The following ABL1 variants were observed in gnomAD, a reference collection of about 807,000 sequenced individuals.
ABL1 encodes tyrosine-protein kinase ABL1.
Under a neutral mutation model 94.7 loss-of-function variants are expected in ABL1, and 11 were observed. The observed-to-expected ratio is 0.12, with a 90% CI of 0.07 to 0.19. The LOEUF (loss-of-function observed/expected upper bound fraction) is 0.19, where lower values mean the gene tolerates loss of function less well. Among genes scored for constraint, ABL1 ranks in the 10% least tolerant of loss-of-function variants. The pLI is 1.00. For synonymous variants in ABL1, 656 were observed against 622.4 expected, an observed-to-expected ratio of 1.05 and a Z score of -0.80; for missense variants, 1,082 against 1,489.4, an observed-to-expected ratio of 0.73 and a Z score of 4.50.
At chr9:130,761,643 C>A (rs1247686708) in intron 1 of ABL1, among the ~76,000 whole-genome samples, 1 of 152,202 alleles carries the variant, frequency 6.6e-6, no homozygotes, top group Non-Finnish European at 1.5e-5. Flanking sequence ...CACTCCAGTG[C>A]TATGGTGTGA....
chr9:130,740,102 T>C (rs1356780370), intron 1 of ABL1, among the ~76,000 whole-genome samples: 1 of 152,254 alleles, frequency 6.6e-6, no homozygotes, highest in Non-Finnish European at 1.5e-5. Flanking sequence ...CTGCCCTGCA[T>C]GCCAACTTCC....
chr9:130,823,973 G>A (rs1362235306), intron 1 of ABL1, among the ~76,000 whole-genome samples: 2 of 152,140 alleles, frequency 1.3e-5, no homozygotes, highest in African/African-American at 2.4e-5. Context: ...TAATTTTACT[G>A]TTGAATTACA....
intron 1 of ABL1, among the ~76,000 whole-genome samples, chr9:130,744,628 G>A (rs1367389517): frequency 1.9e-4 from 28 of 150,510 alleles, no homozygotes; most frequent in African/African-American, 4.6e-4. Flanking sequence ...CGAGGCAGGC[G>A]GATCACGAGG....
intron 1 of ABL1, among the ~76,000 whole-genome samples, chr9:130,767,585 G>C (rs1832200444): frequency 6.6e-6 from 1 of 152,160 alleles, no homozygotes; most frequent in African/African-American, 2.4e-5. Flanking sequence ...CACCCGCCTG[G>C]GCCCTCCAAA....
At chr9:130,878,390 C>G (rs1831388103) in intron 7 of ABL1, 25 bp from the exon 8 acceptor site, 1 of 1,612,854 alleles carries the variant, frequency 6.2e-7, no homozygotes, top group Non-Finnish European at 8.5e-7. Flanking sequence ...TCTTGAACAG[C>G]CTTTCTCTTT....
At chr9:130,719,374 C>A (rs1482975727) in intron 1 of ABL1, among the ~76,000 whole-genome samples, 1 of 151,994 alleles carries the variant, frequency 6.6e-6, no homozygotes, top group African/African-American at 2.4e-5. Context: ...ACTAAAAATA[C>A]AAAAATTAGC....
chr9:130,844,693 C>A (rs930701993), intron 1 of ABL1, among the ~76,000 whole-genome samples: 3 of 152,032 alleles, frequency 2.0e-5, no homozygotes, highest in African/African-American at 7.2e-5. Context: ...CCTAGCTACT[C>A]AGGAGGTTGA....
intron 1 of ABL1, among the ~76,000 whole-genome samples, chr9:130,801,447 C>T (rs770449266): frequency 1.2e-4 from 18 of 151,364 alleles, no homozygotes; most frequent in Non-Finnish European, 1.5e-4. Context: ...AGGATGGTCT[C>T]GATCTCTTGA....
At chr9:130,834,260 C>G (rs959072149), upstream of ABL1, among the ~76,000 whole-genome samples, 3 of 152,206 alleles carry the variant, frequency 2.0e-5, no homozygotes, top group South Asian at 2.1e-4. Context: ...AAGATGTGGA[C>G]TAAACTTCCC....
chr9:130,871,661 T>A (rs1041540882), intron 4 of ABL1, among the ~76,000 whole-genome samples: 3 of 152,272 alleles, frequency 2.0e-5, no homozygotes, highest in Non-Finnish European at 4.4e-5. Flanking sequence ...CTCTTTCTTG[T>A]CATGAGGGTC....
chr9:130,714,516 A>G (rs1410722848), intron 1 of ABL1: 1 of 1,609,572 alleles, frequency 6.2e-7, no homozygotes, highest in Middle Eastern at 1.7e-4. Context: ...TAGGCCTTCA[A>G]GGAACTTTGA....
rs895767756 is a variant in ABL1 at position 130,872,294 on chromosome 9, C to T, written c.907+81C>T. ...ACAGGCGCTGGGGAAGACGCACGGG[C>T]GGCTCACTGCACAAAACCTCGTTGG... is the stretch of plus-strand genomic sequence containing the variant. On this transcript the variant is annotated intron_variant, in intron 5 of 10. Coordinates refer to ENST00000318560, the MANE Select transcript of ABL1 (RefSeq NM_005157.6). This position sits in a 1 kb window ranked among gnomAD's most constrained non-coding sequence, Gnocchi z 5.0. 23 of 1,298,050 alleles carry T rather than the reference C, an allele frequency of 1.8e-5. No homozygotes were observed. Among genetic ancestry groups the T allele is most frequent in the Admixed American group, 6.2e-5 (3 of 48,104 alleles). 80.4% of individuals were successfully genotyped at this position (1,298,050 alleles called of 1,614,324 possible). A position where few individuals can be genotyped will look rare whatever the true frequency, so the allele number is the denominator to read the frequency against.
chr9:130,809,637 T>C (rs1456316967), intron 1 of ABL1, among the ~76,000 whole-genome samples: 5 of 152,084 alleles, frequency 3.3e-5, no homozygotes, highest in Admixed American at 3.3e-4. Context: ...AGGAAAAAAG[T>C]TGATGTCCCA....
chr9:130,838,520 A>G (rs1312427264), intron 1 of ABL1, among the ~76,000 whole-genome samples: 1 of 152,184 alleles, frequency 6.6e-6, no homozygotes, highest in Admixed American at 6.5e-5. Flanking sequence ...CCTAGAGGCA[A>G]TCACCCTGGA....
intron 1 of ABL1, among the ~76,000 whole-genome samples, chr9:130,786,876 A>T (rs368596149): frequency 6.6e-6 from 1 of 152,250 alleles, no homozygotes. Flanking sequence ...ACCAATAAGG[A>T]TGGAAGAAAA....
intron 1 of ABL1, among the ~76,000 whole-genome samples, chr9:130,816,858 C>A (rs1359259642): frequency 6.6e-6 from 1 of 152,212 alleles, no homozygotes. Flanking sequence ...CATGCACCAC[C>A]ACACCTGGCT....
chr9:130,735,955 A>ATTTTTTT (rs1365601952), intron 1 of ABL1, among the ~76,000 whole-genome samples: 26 of 41,482 alleles, frequency 6.3e-4, no homozygotes, highest in African/African-American at 4.0e-3. Context: ...ATATATATAT[A>ATTTTTTT]TATATATTTT....
At chr9:130,749,323 A>C (rs1244414683) in intron 1 of ABL1, among the ~76,000 whole-genome samples, 1 of 152,240 alleles carries the variant, frequency 6.6e-6, no homozygotes, top group Non-Finnish European at 1.5e-5. Flanking sequence ...TAAATGACAT[A>C]TCTTGACACT....
At chr9:130,859,967 C>T (rs1465732384) in intron 3 of ABL1, among the ~76,000 whole-genome samples, 1 of 152,180 alleles carries the variant, frequency 6.6e-6, no homozygotes, top group Admixed American at 6.5e-5. Flanking sequence ...GCGTGAGCCA[C>T]TGCTCCTGGC....
Sources: allele counts gnomAD v4.1 joint callset (sites outside exome capture counted in the v4.1 genomes callset), GRCh38; gene constraint gnomAD v4.1.1; non-coding constraint Gnocchi (gnomAD v3.1); transcripts MANE v1.5; gene names NCBI Gene and HGNC (gene_info 2026-07-23, HGNC 2026-07-21).